Variants in SVIL observed in about 807,000 individuals in gnomAD.
The protein encoded by SVIL is supervillin.
A neutral mutation model predicts 240.4 loss-of-function variants in SVIL; 101 were observed. The observed-to-expected ratio is 0.42, with a 90% CI of 0.36 to 0.50. SVIL has a LOEUF of 0.50. SVIL is among the 20% of genes least tolerant of loss of function. The pLI is 0.01. For missense variants in SVIL, 2,512 were observed against 2,818.7 expected (o/e 0.89, Z 2.46); for synonymous variants, 999 against 1,100.0 (o/e 0.91, Z 1.82).
chr10:29,607,385 ATT>A (rs887216672), intron 1 of SVIL, among the ~76,000 whole-genome samples: 3 of 151,864 alleles, frequency 2.0e-5, no homozygotes, highest in African/African-American at 7.2e-5. Context: ...TGCCTAGTTT[ATT>A]TTTTTTCTTA....
intron 4 of SVIL, 28 bp from the exon 5 acceptor site, chr10:29,554,962 T>A: frequency 6.2e-7 from 1 of 1,608,290 alleles, no homozygotes; most frequent in Non-Finnish European, 8.5e-7. Context: ...AGAGGCAGAG[T>A]GAGCAACAGC....
Position 29,462,331 on chromosome 10 carries a change from G to A in SVIL, c.6348C>T (p.Thr2116=). The part of the protein sequence containing the change: ...IHAGLEPLTF[T]NMFPSWEHRE... ...TGTGCTCCCAGCTGGGAAACATATT[G>A]GTGAATGTCAGGGGCTCCAGACCAG... Residue 2116 remains threonine (T), a synonymous_variant, in exon 36 of 38, where the codon ACC becomes ACT. Coordinates refer to ENST00000355867, the MANE Select transcript of SVIL (RefSeq NM_021738.3). 1.2e-6 allele frequency: 2 copies of A among 1,614,174 alleles called. No homozygotes were observed. The highest frequency in any genetic ancestry group is 2.2e-5 in the South Asian group (2 of 91,084).
At chr10:29,675,725 C>A (rs957939498) in intron 2 of SVIL, among the ~76,000 whole-genome samples, 2 of 152,136 alleles carry the variant, frequency 1.3e-5, no homozygotes, top group African/African-American at 4.8e-5. Flanking sequence ...AAAACCATAC[C>A]GTTTCCTCCA....
At chr10:29,563,572 A>G (rs1954702640) in intron 2 of SVIL, among the ~76,000 whole-genome samples, 1 of 152,078 alleles carries the variant, frequency 6.6e-6, no homozygotes, top group South Asian at 2.1e-4. Flanking sequence ...GTGAGCTTTA[A>G]CTCAGACTGA....
At chr10:29,690,901 T>C (rs1961446401) in intron 1 of SVIL, among the ~76,000 whole-genome samples, 1 of 152,342 alleles carries the variant, frequency 6.6e-6, no homozygotes, top group East Asian at 1.9e-4. Flanking sequence ...TCAAGTTGGC[T>C]GATTTTTCTT....
chr10:29,464,339 TA>T (rs1944633096), intron 34 of SVIL, among the ~76,000 whole-genome samples: 1 of 152,008 alleles, frequency 6.6e-6, no homozygotes, highest in Non-Finnish European at 1.5e-5. Flanking sequence ...CTCAGGAAGC[TA>T]AGGAGAGAGG....
chr10:29,480,415 C>G, intron 29 of SVIL, 122 bp downstream of exon 29: 1 of 1,244,300 alleles, frequency 8.0e-7, no homozygotes, highest in East Asian at 2.4e-5. Context: ...AGGCGCATGA[C>G]TGCAGTGCCC....
intron 34 of SVIL, 117 bp downstream of exon 34, chr10:29,465,478 C>T: frequency 7.7e-7 from 1 of 1,294,992 alleles, no homozygotes; most frequent in Admixed American, 2.9e-5. Flanking sequence ...GTTCTGGGTG[C>T]TCTGGGAATG....
intron 1 of SVIL, among the ~76,000 whole-genome samples, chr10:29,693,994 C>T (rs1961724706): frequency 6.6e-6 from 1 of 151,986 alleles, no homozygotes; most frequent in African/African-American, 2.4e-5. Flanking sequence ...GATAAAATTG[C>T]AATTCCATCT....
At chr10:29,725,676 A>G (rs1404290095) in intron 1 of SVIL, among the ~76,000 whole-genome samples, 1 of 152,194 alleles carries the variant, frequency 6.6e-6, no homozygotes, top group Non-Finnish European at 1.5e-5. Context: ...GATGCACAGC[A>G]CTGAGAAAGG....
intron 16 of SVIL, among the ~76,000 whole-genome samples, chr10:29,517,557 C>G (rs1461990130): frequency 6.6e-6 from 1 of 152,214 alleles, no homozygotes; most frequent in Admixed American, 6.5e-5. Flanking sequence ...AGGGTAAGAA[C>G]CTGGAGTTTG....
In SVIL at chr10:29,524,041, GTTAAAAA is replaced by G. The variant is rs1296126000; in HGVS notation, c.2587-21_2587-15del. On this transcript the variant is annotated splice_polypyrimidine_tract_variant and intron_variant, in intron 14 of 37. Transcript: ENST00000355867. Reference sequence around the variant, plus strand: ...TCCACTCTGCACCTGGAAGGACACAGTTAAAAATTAAAAAGCTGCTTGAAAAATATCA... The same window carrying G: ...TCCACTCTGCACCTGGAAGGACACAGTTAAAAAGCTGCTTGAAAAATATCA... 1 of 1,571,988 alleles carries G rather than the reference GTTAAAAA, an allele frequency of 6.4e-7. No individual in the cohort carries two copies. Among genetic ancestry groups the G allele is most frequent in the East Asian group, 2.2e-5 (1 of 44,470 alleles).
chr10:29,517,443 A>G (rs1388639315), intron 16 of SVIL, among the ~76,000 whole-genome samples: 1 of 152,036 alleles, frequency 6.6e-6, no homozygotes, highest in Non-Finnish European at 1.5e-5. Flanking sequence ...ATAAAAGAAA[A>G]AAAGAAAAAG....
intron 1 of SVIL, among the ~76,000 whole-genome samples, chr10:29,731,869 T>A (rs1163206076): frequency 6.6e-6 from 1 of 152,218 alleles, no homozygotes; most frequent in East Asian, 1.9e-4. Flanking sequence ...GCAAGTTCTC[T>A]CCCATATGCG....
intron 1 of SVIL, among the ~76,000 whole-genome samples, chr10:29,696,631 C>T (rs1283698039): frequency 1.5e-4 from 22 of 151,390 alleles, no homozygotes; most frequent in Non-Finnish European, 5.9e-5. Context: ...AGGAGCGCCT[C>T]GGCCCGGCCG....
intron 1 of SVIL, among the ~76,000 whole-genome samples, chr10:29,582,731 CTAA>C (rs61441935): frequency 0.031 from 4,485 of 142,690 alleles, 202 homozygotes; most frequent in African/African-American, 0.097. Context: ...GACCCTGTCT[CTAA>C]TAATAATAAT....
At chr10:29,594,122 T>A (rs1192855780) in intron 1 of SVIL, among the ~76,000 whole-genome samples, 4 of 152,228 alleles carry the variant, frequency 2.6e-5, no homozygotes, top group African/African-American at 9.6e-5. Context: ...CTCTGTTTCA[T>A]ACACAAAACT....
intron 10 of SVIL, 94 bp downstream of exon 10, chr10:29,531,160 A>G (rs2132560360): frequency 3.3e-6 from 4 of 1,224,078 alleles, no homozygotes; most frequent in Non-Finnish European, 4.7e-6. Flanking sequence ...GTTATGCTCC[A>G]TCATCTTACT....
At chr10:29,488,055 C>T (rs1467250893) in intron 23 of SVIL, among the ~76,000 whole-genome samples, 3 of 152,112 alleles carry the variant, frequency 2.0e-5, no homozygotes, top group Non-Finnish European at 2.9e-5. Context: ...GGCCCAGAGA[C>T]GCCCTGGTTC....
Sources: gnomAD v4.1 joint callset for allele counts (sites outside exome capture counted in the v4.1 genomes callset) on GRCh38, gnomAD v4.1.1 for gene constraint, MANE v1.5 for transcripts, NCBI Gene and HGNC (gene_info 2026-07-23, HGNC 2026-07-21) for gene names.